KATNAL2: variants seen among roughly 807,000 people sequenced by gnomAD.
The protein encoded by KATNAL2 is katanin catalytic subunit A1 like 2, also known as katanin p60 ATPase-containing subunit A-like 2.
In KATNAL2, 52 loss-of-function variants were observed where a neutral mutation model predicts 76.3. That is an observed-to-expected ratio of 0.68 (90% CI 0.55 to 0.86). The LOEUF (loss-of-function observed/expected upper bound fraction) is 0.86. KATNAL2 is among the 40% of genes least tolerant of loss of function. The pLI, the probability that KATNAL2 is intolerant of heterozygous loss-of-function variation, is 0.00. For synonymous variants in KATNAL2, 243 were observed against 244.2 expected, an observed-to-expected ratio of 1.00 and a Z score of 0.05; for missense variants, 660 against 668.9, an observed-to-expected ratio of 0.99 and a Z score of 0.15.
chr18:46,954,637 T>A (rs2059670345), intron 3 of KATNAL2, among the ~76,000 whole-genome samples: 1 of 151,876 alleles, frequency 6.6e-6, no homozygotes, highest in African/African-American at 2.4e-5. Flanking sequence ...CATCTTCTTT[T>A]GTTTTTTGGG....
chr18:47,080,617 C>T (rs1306374067), intron 15 of KATNAL2, among the ~76,000 whole-genome samples: 1 of 152,296 alleles, frequency 6.6e-6, no homozygotes, highest in Non-Finnish European at 1.5e-5. Flanking sequence ...AACTGTTTTA[C>T]AAAGATGTTG....
chr18:47,031,179 G>A (rs569495749), intron 3 of KATNAL2, among the ~76,000 whole-genome samples: 1 of 148,482 alleles, frequency 6.7e-6, no homozygotes, highest in South Asian at 2.2e-4. Flanking sequence ...AATCTTGGAA[G>A]AAATGCTTCA....
intron 3 of KATNAL2, among the ~76,000 whole-genome samples, chr18:47,045,013 A>G (rs1599643955): frequency 1.3e-5 from 2 of 151,964 alleles, no homozygotes; most frequent in African/African-American, 2.4e-5. Context: ...CAGAAGGATC[A>G]CCTGAGCCTA....
chr18:46,948,428 T>C (rs1439479594), intron 3 of KATNAL2, among the ~76,000 whole-genome samples: 2 of 143,122 alleles, frequency 1.4e-5, no homozygotes, highest in African/African-American at 5.3e-5. Context: ...TTCTTCTTCT[T>C]TTTTTTTTTT....
chr18:47,034,925 C>G (rs1188384105), intron 3 of KATNAL2: 1 of 1,611,992 alleles, frequency 6.2e-7, no homozygotes, highest in South Asian at 1.1e-5. Flanking sequence ...GTCGCGTTTT[C>G]TGGGAAGCCC....
chr18:46,953,038 G>GCATGTGC (rs2059616122), intron 3 of KATNAL2, among the ~76,000 whole-genome samples: 1 of 151,754 alleles, frequency 6.6e-6, no homozygotes, highest in Non-Finnish European at 1.5e-5. Context: ...GGGACTACAG[G>GCATGTGC]CATGTGCCAC....
chr18:47,061,615 G>C (rs1256749254), intron 8 of KATNAL2, among the ~76,000 whole-genome samples: 1 of 152,114 alleles, frequency 6.6e-6, no homozygotes, highest in Non-Finnish European at 1.5e-5. Context: ...AATTTAGTAG[G>C]TATGTTGTTC....
chr18:47,076,750 G>A (rs2062243939), intron 14 of KATNAL2, among the ~76,000 whole-genome samples: 1 of 148,948 alleles, frequency 6.7e-6, no homozygotes, highest in African/African-American at 2.5e-5. Flanking sequence ...GCAAATATAT[G>A]GGCAAATGCT....
At position 47,058,092 on chromosome 18, in the gene KATNAL2, C is replaced by T. The variant is rs554939590; in HGVS notation, c.333-143C>T. 4.9e-3 allele frequency: 3,111 copies of T among 631,712 alleles called. 22 individuals are homozygous for T. The highest frequency in any genetic ancestry group is 7.6e-3 in the Middle Eastern group (17 of 2,230). The allele number at this position is 631,712 out of a possible 1,614,324, so 39.1% of individuals were successfully genotyped here. ...CAGGATGGACCTGGTGGGTGGATCA[C>T]ATAGGTGGAAGGGCCCTATAGTTGC... On this transcript the variant is annotated intron_variant, in intron 6 of 17. Transcript: ENST00000683218.
At chr18:46,922,683 G>A (rs1287294397) in intron 1 of KATNAL2, among the ~76,000 whole-genome samples, 2 of 151,644 alleles carry the variant, frequency 1.3e-5, no homozygotes, top group Non-Finnish European at 2.9e-5. Context: ...TGTAATCCTA[G>A]CAACTTGGGA....
intron 3 of KATNAL2, among the ~76,000 whole-genome samples, chr18:46,961,836 C>T (rs1843423337): frequency 6.6e-6 from 1 of 152,200 alleles, no homozygotes; most frequent in South Asian, 2.1e-4. Flanking sequence ...AGTCAAAACA[C>T]TGCCAGTTTT....
chr18:47,085,745 G>A (rs1443153558), intron 15 of KATNAL2, among the ~76,000 whole-genome samples: 3 of 152,136 alleles, frequency 2.0e-5, no homozygotes, highest in South Asian at 2.1e-4. Context: ...CCCATGTGGC[G>A]TGGCCAGGCT....
At chr18:47,040,160 G>A (rs867526592) in intron 3 of KATNAL2, among the ~76,000 whole-genome samples, 74 of 152,340 alleles carry the variant, frequency 4.9e-4, no homozygotes, top group Middle Eastern at 6.8e-3. Flanking sequence ...ACCTTTTGAA[G>A]GAGGTCTAGC....
intron 3 of KATNAL2, chr18:47,033,915 C>T (rs768240059): frequency 5.0e-6 from 8 of 1,613,064 alleles, no homozygotes; most frequent in Non-Finnish European, 6.8e-6. Context: ...CCGTTTTCGG[C>T]CCGGCGGAAT....
At chr18:47,072,820 T>C (rs763666974) in intron 13 of KATNAL2, among the ~76,000 whole-genome samples, 10 of 152,188 alleles carry the variant, frequency 6.6e-5, no homozygotes, top group Non-Finnish European at 1.3e-4. Context: ...TTAATATATA[T>C]AACTTGGATA....
rs1374971540 is a variant in KATNAL2, at chr18:47,074,533, T to TA, written c.1009-737dup. 7.2e-5 allele frequency among the ~76,000 whole-genome samples: 11 copies of TA among 152,268 alleles called. No individual in the cohort carries two copies. In the East Asian group the frequency reaches 9.6e-4, roughly 13 times the overall value. On this transcript the variant is annotated intron_variant, in intron 13 of 17. Coordinates refer to ENST00000683218, the MANE Select transcript of KATNAL2 (RefSeq NM_001387690.1). ...ATGCTCAAGAGATCAGTTTCAGGGT[T>TA]AAAAAAATAAAGGTTTAGGTTGTTA...
chr18:47,066,399 T>C (rs2061793551), intron 10 of KATNAL2, among the ~76,000 whole-genome samples: 1 of 152,202 alleles, frequency 6.6e-6, no homozygotes, highest in Non-Finnish European at 1.5e-5. Context: ...AGGGCTCTTC[T>C]ATAAGAGGAG....
At chr18:47,034,485 C>T in intron 3 of KATNAL2, 3 of 1,614,148 alleles carry the variant, frequency 1.9e-6, no homozygotes, top group Non-Finnish European at 2.5e-6. Flanking sequence ...TTGGGGTTTC[C>T]TCTCTTAAGC....
chr18:46,928,332 G>A (rs1041359347), intron 1 of KATNAL2, among the ~76,000 whole-genome samples: 3 of 152,168 alleles, frequency 2.0e-5, no homozygotes, highest in African/African-American at 7.2e-5. Context: ...AGGTGTGTTG[G>A]AATTTGCTAG....
Sources: allele counts gnomAD v4.1 joint callset (sites outside exome capture counted in the v4.1 genomes callset), GRCh38; gene constraint gnomAD v4.1.1; transcripts MANE v1.5; gene names NCBI Gene and HGNC (gene_info 2026-07-23, HGNC 2026-07-21).